PTPRG: variants seen among roughly 807,000 people sequenced by gnomAD.
PTPRG encodes the protein protein tyrosine phosphatase receptor type G.
PTPRG carries 102 observed loss-of-function variants against 165.3 expected under a neutral mutation model. That is an observed-to-expected ratio of 0.62 (90% CI 0.53 to 0.73). The LOEUF (loss-of-function observed/expected upper bound fraction) is 0.73, where lower values mean the gene tolerates loss of function less well. PTPRG is among the 30% of genes least tolerant of loss of function. The probability of loss-of-function intolerance (pLI) is 0.00; values close to 1 mark genes in which losing one functional copy is unlikely to be tolerated. For synonymous variants in PTPRG, 675 were observed against 669.5 expected, an observed-to-expected ratio of 1.01 and a Z score of -0.13; for missense variants, 1,866 against 1,861.4, an observed-to-expected ratio of 1.00 and a Z score of -0.05.
chr3:61,981,204 T>C (rs902507743), intron 2 of PTPRG, among the ~76,000 whole-genome samples: 5 of 152,050 alleles, frequency 3.3e-5, no homozygotes, highest in Admixed American at 6.5e-5. Flanking sequence ...TCAGTATCAC[T>C]GCAACAGGAT....
chr3:61,944,596 G>C (rs1223549137), intron 2 of PTPRG, among the ~76,000 whole-genome samples: 3 of 152,160 alleles, frequency 2.0e-5, no homozygotes, highest in Admixed American at 2.0e-4. Context: ...CGCGCTACAT[G>C]ATAATCTGTT....
At chr3:61,973,293 G>A (rs1183688330) in intron 2 of PTPRG, among the ~76,000 whole-genome samples, 1 of 152,112 alleles carries the variant, frequency 6.6e-6, no homozygotes, top group African/African-American at 2.4e-5. Context: ...CAGCTGTTTT[G>A]GAAATCACTA....
Position 61,812,203 on chromosome 3 carries a change from T to TTGTGTG in PTPRG, c.190+63236_190+63241dup, listed in dbSNP as rs36020392. ...ACTTCTTCCTGGTATCTACAGTTGA[T>TTGTGTG]TGTGTGTGTGTGTGTGTGTGAAAAC... On this transcript the variant is annotated intron_variant, in intron 2 of 29. Transcript: ENST00000474889. Among the ~76,000 whole-genome samples, 28 of 150,568 alleles carry TTGTGTG rather than the reference T, an allele frequency of 1.9e-4. 1 individual carries two copies. The South Asian group carries it at 1.9e-3, about 10-fold the overall frequency.
At chr3:61,769,231 AT>A (rs1278123717) in intron 2 of PTPRG, 32 of 152,206 alleles carry the variant, frequency 2.1e-4, no homozygotes, top group Admixed American at 1.9e-3. Context: ...CTTTCACTGA[AT>A]TTGGGATTAA....
intron 2 of PTPRG, among the ~76,000 whole-genome samples, chr3:61,866,147 C>T (rs2037402189): frequency 6.6e-6 from 1 of 152,218 alleles, no homozygotes; most frequent in Non-Finnish European, 1.5e-5. Flanking sequence ...CACCGGTCCT[C>T]CTGCATCCAG....
intron 11 of PTPRG, among the ~76,000 whole-genome samples, chr3:62,201,785 T>C (rs1700099916): frequency 1.3e-5 from 2 of 152,214 alleles, no homozygotes; most frequent in African/African-American, 4.8e-5. Flanking sequence ...TAAAAATTCT[T>C]CATATTTTTA....
intron 2 of PTPRG, among the ~76,000 whole-genome samples, chr3:61,804,659 T>C (rs2035355651): frequency 6.6e-6 from 1 of 151,248 alleles, no homozygotes. Flanking sequence ...ACTTTTTCTT[T>C]TCCTGTGTCT....
chr3:61,580,171 C>T (rs896432842), intron 1 of PTPRG, among the ~76,000 whole-genome samples: 2 of 152,134 alleles, frequency 1.3e-5, no homozygotes, highest in African/African-American at 4.8e-5. Flanking sequence ...CTGAGCCAGG[C>T]ACGGTGGAAC....
At chr3:61,906,024 G>A (rs981503977) in intron 2 of PTPRG, among the ~76,000 whole-genome samples, 3 of 152,060 alleles carry the variant, frequency 2.0e-5, no homozygotes, top group South Asian at 4.1e-4. Flanking sequence ...ATGAATACAT[G>A]GAGTTTTATA....
In PTPRG at chr3:61,940,656, TATTTATTTATTTATTTTTTA is replaced by T. The variant is rs1559701751; in HGVS notation, c.191-48968_191-48949del. Among the ~76,000 whole-genome samples, 9 of 91,706 alleles carry T rather than the reference TATTTATTTATTTATTTTTTA, an allele frequency of 9.8e-5. 1 individual carries two copies. Among genetic ancestry groups the T allele is most frequent in the Admixed American group, 1.3e-4 (1 of 7,840 alleles). 60.2% of individuals were successfully genotyped at this position (91,706 alleles called of 152,430 possible). Reference sequence around the variant, plus strand: ...TATGGATTCAGTAGATGCTTTTATTTATTTATTTATTTATTTTTTATTTTTTTGACAGAGTCTCGCTCTGT... The same window carrying T: ...TATGGATTCAGTAGATGCTTTTATTTTTTTTTTGACAGAGTCTCGCTCTGT... On this transcript the variant is annotated intron_variant, in intron 2 of 29. Coordinates refer to ENST00000474889, the MANE Select transcript of PTPRG (RefSeq NM_002841.4).
At chr3:61,862,032 C>T (rs918155019) in intron 2 of PTPRG, among the ~76,000 whole-genome samples, 9 of 152,092 alleles carry the variant, frequency 5.9e-5, no homozygotes, top group African/African-American at 1.9e-4. Flanking sequence ...GGATTGGTAC[C>T]GGTCCCTGGC....
At chr3:62,014,864 T>G (rs558177572) in intron 4 of PTPRG, among the ~76,000 whole-genome samples, 1 of 152,368 alleles carries the variant, frequency 6.6e-6, no homozygotes, top group African/African-American at 2.4e-5. Flanking sequence ...TGGATTCATC[T>G]TATTCTATCT....
rs1553659431 is a variant in PTPRG, at chr3:61,746,231, T to TC, written c.86-2647_86-2646insC. On this transcript the variant is annotated intron_variant, in intron 1 of 29. Coordinates refer to ENST00000474889, the MANE Select transcript of PTPRG (RefSeq NM_002841.4). ...TAATTTTTTTTTTTTTTTTTTTTTT[T>TC]TTTTTGAGACAGAATCTCGCTGTGT... 9.5e-4 allele frequency among the ~76,000 whole-genome samples: 69 copies of TC among 72,892 alleles called. 1 individual carries two copies. Among genetic ancestry groups the TC allele is most frequent in the East Asian group, 4.2e-3 (15 of 3,612 alleles). The allele number at this position is 72,892 out of a possible 152,430, so 47.8% of individuals were successfully genotyped here.
chr3:62,290,581 A>G (rs958914563), intron 28 of PTPRG, among the ~76,000 whole-genome samples: 3 of 152,184 alleles, frequency 2.0e-5, no homozygotes, highest in Non-Finnish European at 2.9e-5. Context: ...AAAAATAGAC[A>G]AACAGAATAA....
In PTPRG at chr3:62,252,940, G is replaced by A. The variant is rs900494186; in HGVS notation, c.2468-2184G>A. On this transcript the variant is annotated intron_variant, in intron 15 of 29. Coordinates refer to ENST00000474889, the MANE Select transcript of PTPRG (RefSeq NM_002841.4). This position sits in a 1 kb window ranked among gnomAD's most constrained non-coding sequence, Gnocchi z 4.6. The stretch of plus-strand genomic sequence containing the variant: ...TGGTTAGGCGTCCTTGGATAAAGAT[G>A]CAAATTGGAGAGACTAGTGAGTCAT... Among the ~76,000 whole-genome samples the A allele has an allele frequency of 6.6e-6, 1 of 152,152 alleles. No individual in the cohort carries two copies. Among genetic ancestry groups the A allele is most frequent in the African/African-American group, 2.4e-5 (1 of 41,430 alleles).
intron 1 of PTPRG, among the ~76,000 whole-genome samples, chr3:61,610,605 T>G (rs1001920986): frequency 8.5e-5 from 13 of 152,190 alleles, no homozygotes; most frequent in Admixed American, 3.9e-4. Context: ...GAATGTTACT[T>G]AAGAGCTCAA....
chr3:61,856,729 A>G (rs1172973191), intron 2 of PTPRG, among the ~76,000 whole-genome samples: 1 of 152,190 alleles, frequency 6.6e-6, no homozygotes, highest in Non-Finnish European at 1.5e-5. Flanking sequence ...GTAGCTGTGT[A>G]ATATTTCATA....
At position 62,273,296 on chromosome 3, in the gene PTPRG, A is replaced by T. The variant is rs1004857320; in HGVS notation, c.3318+215A>T. 7.9e-5 allele frequency among the ~76,000 whole-genome samples: 12 copies of T among 152,214 alleles called. No individual in the cohort carries two copies. Among genetic ancestry groups the T allele is most frequent in the African/African-American group, 2.9e-4 (12 of 41,460 alleles). On this transcript the variant is annotated intron_variant, in intron 22 of 29. Transcript: ENST00000474889. This position sits in a 1 kb window ranked among gnomAD's most constrained non-coding sequence, Gnocchi z 4.1. ...ATTTGGATTCCTAAATAACTACACAAGTACTTACGAAAGAGATACAGTTGT... is the reference window on the plus strand; with the variant it reads ...ATTTGGATTCCTAAATAACTACACATGTACTTACGAAAGAGATACAGTTGT...
intron 2 of PTPRG, among the ~76,000 whole-genome samples, chr3:61,761,474 A>G (rs1319758900): frequency 6.6e-6 from 1 of 152,210 alleles, no homozygotes; most frequent in Non-Finnish European, 1.5e-5. Flanking sequence ...GCTACTTGGG[A>G]GGCTGAAGCA....
Sources: gnomAD v4.1 joint callset for allele counts (sites outside exome capture counted in the v4.1 genomes callset) on GRCh38, gnomAD v4.1.1 for gene constraint, Gnocchi (gnomAD v3.1) non-coding constraint, MANE v1.5 for transcripts, NCBI Gene and HGNC (gene_info 2026-07-23, HGNC 2026-07-21) for gene names.